The following PLA2G2C variants were observed in gnomAD, a reference collection of about 807,000 sequenced individuals.
PLA2G2C encodes putative inactive group IIC secretory phospholipase A2.
A neutral mutation model predicts 14.3 loss-of-function variants in PLA2G2C; 15 were observed. The ratio of observed to expected loss-of-function variants is 1.05; its 90% CI spans 0.70 to 1.62. The LOEUF is 1.62. Among genes scored for constraint, PLA2G2C ranks in the 40% most tolerant of loss-of-function variants. The probability of loss-of-function intolerance (pLI) is 0.00; values close to 1 mark genes in which losing one functional copy is unlikely to be tolerated. For synonymous variants in PLA2G2C, 79 were observed against 67.7 expected (o/e 1.17, Z -0.82); for missense variants, 162 against 173.2 (o/e 0.94, Z 0.36).
chr1:20,182,834 C>G (rs2018295462), intron 1 of PLA2G2C, among the ~76,000 whole-genome samples: 1 of 152,222 alleles, frequency 6.6e-6, no homozygotes, highest in Non-Finnish European at 1.5e-5. Context: ...TGGGGCCAAA[C>G]ACTCTGTGGG....
chr1:20,168,596 G>T (rs1285403321), intron 4 of PLA2G2C, among the ~76,000 whole-genome samples: 1 of 152,232 alleles, frequency 6.6e-6, no homozygotes, highest in Admixed American at 6.5e-5. Context: ...AATATATTCA[G>T]CAGTAAATGA....
In PLA2G2C at chr1:20,175,050, A is replaced by C. The variant is rs777895493; in HGVS notation, c.136T>G (p.Cys46Gly). 2.7e-5 allele frequency: 43 copies of C among 1,614,020 alleles called. No individual in the cohort carries two copies. The highest frequency in any genetic ancestry group is 3.6e-5 in the Non-Finnish European group (43 of 1,179,890). ...GGGATCCCTTTATCCCCAAGCCCACAGTAGCAGCCATATCCGTAATATGAG... is the reference window on the plus strand; with the variant it reads ...GGGATCCCTTTATCCCCAAGCCCACCGTAGCAGCCATATCCGTAATATGAG... Reference protein sequence around the residue: ...FFSYYGYGCYCGLGDKGIPVD... With the variant: ...FFSYYGYGCYGGLGDKGIPVD... The change falls in exon 3 of 5, where the codon TGT becomes GGT. Residue 46 changes from cysteine to glycine, a missense_variant. Transcript: ENST00000679259.
chr1:20,185,303 C>T (rs2018349901), intron 1 of PLA2G2C, among the ~76,000 whole-genome samples: 1 of 152,080 alleles, frequency 6.6e-6, no homozygotes, highest in South Asian at 2.1e-4. Context: ...TGTAGGTGGA[C>T]TGGTTTGGCT....
At chr1:20,171,571 A>G (rs1306071323) in intron 4 of PLA2G2C, among the ~76,000 whole-genome samples, 1 of 152,070 alleles carries the variant, frequency 6.6e-6, no homozygotes, top group Admixed American at 6.5e-5. Flanking sequence ...TACGGGATGG[A>G]GGATGTATCT....
At chr1:20,167,941 T>A (rs1203903716) in intron 4 of PLA2G2C, among the ~76,000 whole-genome samples, 1 of 152,252 alleles carries the variant, frequency 6.6e-6, no homozygotes, top group Non-Finnish European at 1.5e-5. Flanking sequence ...TTGGCCCTGT[T>A]TGAATGTGTC....
At chr1:20,175,944 T>C (rs2018176293) in intron 2 of PLA2G2C, among the ~76,000 whole-genome samples, 1 of 151,444 alleles carries the variant, frequency 6.6e-6, no homozygotes, top group Non-Finnish European at 1.5e-5. Flanking sequence ...AGTTTCGCTG[T>C]TGTTACCCAG....
At chr1:20,178,937 A>G (rs1473208865) in intron 1 of PLA2G2C, among the ~76,000 whole-genome samples, 2 of 152,238 alleles carry the variant, frequency 1.3e-5, no homozygotes. Flanking sequence ...CAGTCCTGGC[A>G]GGCCCCCTCT....
chr1:20,179,440 TGTGTCAGCTTCTCC>T (rs1220908022), intron 1 of PLA2G2C, among the ~76,000 whole-genome samples: 14 of 151,972 alleles, frequency 9.2e-5, no homozygotes, highest in African/African-American at 2.2e-4. Flanking sequence ...TCTCTGTGTG[TGTGTCAGCTTCTCC>T]GTGTCAGCTT....
chr1:20,172,798 C>T lies in PLA2G2C; in HGVS notation c.279G>A (p.Val93=). 1 of 1,613,066 alleles carries T rather than the reference C, an allele frequency of 6.2e-7. No individual in the cohort carries two copies. Among genetic ancestry groups the T allele is most frequent in the Non-Finnish European group, 8.5e-7 (1 of 1,179,326 alleles). The change falls in exon 4 of 5, where the codon GTG becomes GTA. Residue 93 remains valine (V), a synonymous_variant. Coordinates refer to ENST00000679259, the MANE Select transcript of PLA2G2C (RefSeq NM_001367969.2). ...CATACAGAAAAGGCTACTCACAAAC[C>T]ACTGCGCCATTGACGATGTGGAACT... ...SYQFHIVNGA[V]VCGCTLGPGA...
At chr1:20,183,165 G>A (rs181684018) in intron 1 of PLA2G2C, among the ~76,000 whole-genome samples, 48 of 152,348 alleles carry the variant, frequency 3.2e-4, no homozygotes, top group Admixed American at 1.0e-3. Flanking sequence ...CACTTGGCAC[G>A]TGTGTTACCT....
intron 4 of PLA2G2C, among the ~76,000 whole-genome samples, chr1:20,170,937 T>C (rs1484495436): frequency 7.1e-6 from 1 of 141,682 alleles, no homozygotes; most frequent in East Asian, 2.0e-4. Context: ...GGCTCCAGCC[T>C]CTGCTCCTCA....
chr1:20,178,547 A>T (rs1413488331), intron 1 of PLA2G2C, among the ~76,000 whole-genome samples: 1 of 152,150 alleles, frequency 6.6e-6, no homozygotes, highest in Non-Finnish European at 1.5e-5. Flanking sequence ...GGTCCCAGCC[A>T]ACCTTCACTT....
intron 4 of PLA2G2C, 101 bp downstream of exon 4, chr1:20,172,693 G>T: frequency 9.6e-7 from 1 of 1,036,306 alleles, no homozygotes; most frequent in Admixed American, 2.5e-5. Context: ...CAAGCACTTG[G>T]AAGCATTTCA....
At chr1:20,165,080 C>G (rs1274290104) in intron 4 of PLA2G2C, among the ~76,000 whole-genome samples, 2 of 152,240 alleles carry the variant, frequency 1.3e-5, no homozygotes, top group Non-Finnish European at 2.9e-5. Flanking sequence ...CGGGATGCCA[C>G]CCTCACCAGC....
chr1:20,175,913 T>C (rs1379820449), intron 2 of PLA2G2C, among the ~76,000 whole-genome samples: 4 of 150,306 alleles, frequency 2.7e-5, no homozygotes, highest in East Asian at 1.9e-4. Context: ...TTTCCTTCTT[T>C]TTTTTTTTTT....
intron 1 of PLA2G2C, among the ~76,000 whole-genome samples, chr1:20,178,035 G>A (rs2018215022): frequency 6.6e-6 from 1 of 152,212 alleles, no homozygotes; most frequent in South Asian, 2.1e-4. Context: ...CAGAGAGGGT[G>A]AACAAATTCC....
intron 1 of PLA2G2C, among the ~76,000 whole-genome samples, chr1:20,185,361 C>G (rs1174339592): frequency 6.6e-6 from 1 of 152,040 alleles, no homozygotes. Context: ...CAGGGAGGAT[C>G]CTTTTGAGAA....
chr1:20,164,319 T>A (rs139884183), intron 4 of PLA2G2C, among the ~76,000 whole-genome samples, 162 bp from the exon 5 acceptor site: 1 of 152,214 alleles, frequency 6.6e-6, no homozygotes, highest in African/African-American at 2.4e-5. Flanking sequence ...CATGTGTGTG[T>A]GTGCATATGC....
chr1:20,184,925 G>A (rs937694485), intron 1 of PLA2G2C, among the ~76,000 whole-genome samples: 9 of 152,072 alleles, frequency 5.9e-5, no homozygotes, highest in East Asian at 1.9e-4. Context: ...AGGCTGAGGC[G>A]GGAGGATCAC....
Sources: allele counts gnomAD v4.1 joint callset (sites outside exome capture counted in the v4.1 genomes callset), GRCh38; gene constraint gnomAD v4.1.1; transcripts MANE v1.5; gene names NCBI Gene and HGNC (gene_info 2026-07-23, HGNC 2026-07-21).